Variants in MCTP1 observed in about 807,000 individuals in gnomAD.
The protein encoded by MCTP1 is multiple C2 and transmembrane domain containing 1.
Under a neutral mutation model 120.6 loss-of-function variants are expected in MCTP1, and 69 were observed. The ratio of observed to expected loss-of-function variants is 0.57; its 90% CI spans 0.47 to 0.70. The LOEUF (loss-of-function observed/expected upper bound fraction) is 0.70. Ranked by LOEUF, MCTP1 falls within the 30% of genes least tolerant of loss-of-function variation. The pLI, the probability that MCTP1 is intolerant of heterozygous loss-of-function variation, is 0.00. For synonymous variants in MCTP1, 529 were observed against 493.1 expected, an observed-to-expected ratio of 1.07 and a Z score of -0.96; for missense variants, 1,203 against 1,248.8, an observed-to-expected ratio of 0.96 and a Z score of 0.55.
chr5:95,215,793 C>A (rs1477825948), intron 1 of MCTP1, among the ~76,000 whole-genome samples: 1 of 152,114 alleles, frequency 6.6e-6, no homozygotes, highest in African/African-American at 2.4e-5. Context: ...CAACCACCTA[C>A]CTCTCAAACT....
rs573767944 is a variant in MCTP1, at chr5:95,209,722, C to T, written c.720+74134G>A. On this transcript the variant is annotated intron_variant, in intron 1 of 22. Coordinates refer to ENST00000515393, the MANE Select transcript of MCTP1 (RefSeq NM_024717.7). ...ACCTGTCCCTGGAATGTTCCCACACCGGTCCCAATTATCTTTCAAGGTTTT... is the reference window on the plus strand; with the variant it reads ...ACCTGTCCCTGGAATGTTCCCACACTGGTCCCAATTATCTTTCAAGGTTTT... Among the ~76,000 whole-genome samples, 34 of 152,200 alleles carry T rather than the reference C, an allele frequency of 2.2e-4. 1 individual carries two copies. In the South Asian group the frequency reaches 6.2e-3, roughly 28 times the overall value.
intron 1 of MCTP1, among the ~76,000 whole-genome samples, chr5:95,061,002 ATTT>A (rs35187920): frequency 8.3e-4 from 89 of 107,178 alleles, no homozygotes; most frequent in East Asian, 1.8e-3. Flanking sequence ...TCAAATGTAC[ATTT>A]TTTTTTTTTT....
intron 19 of MCTP1, among the ~76,000 whole-genome samples, chr5:94,738,538 C>CCA (rs1178099009): frequency 6.6e-6 from 1 of 152,158 alleles, no homozygotes; most frequent in Non-Finnish European, 1.5e-5. Flanking sequence ...AGCACCCTCT[C>CCA]CACCTCACCT....
At chr5:95,247,646 T>C (rs1021113438) in intron 1 of MCTP1, among the ~76,000 whole-genome samples, 3 of 152,162 alleles carry the variant, frequency 2.0e-5, no homozygotes, top group Non-Finnish European at 2.9e-5. Flanking sequence ...ATTTTGTTAT[T>C]TACCCAGTAG....
chr5:94,846,510 G>C (rs573662829), intron 17 of MCTP1, among the ~76,000 whole-genome samples: 9 of 152,254 alleles, frequency 5.9e-5, no homozygotes, highest in African/African-American at 2.2e-4. Flanking sequence ...TGAAAATGGA[G>C]AATAGGAGGA....
rs1238036301 is a variant in MCTP1, at chr5:94,704,711, C to T, written c.*2785G>A. The T allele has an allele frequency of 2.0e-5, 3 of 150,900 alleles. No individual in the cohort carries two copies. Among genetic ancestry groups the T allele is most frequent in the African/African-American group, 4.9e-5 (2 of 41,184 alleles). 9.3% of individuals were successfully genotyped at this position (150,900 alleles called of 1,614,324 possible). On this transcript the variant is annotated 3_prime_UTR_variant, in exon 23 of 23. Transcript: ENST00000515393. Reference sequence around the variant, plus strand: ...ATAACAGGGTCATACAGTTGGTATTCGATAAATATATCACAGAGTCCTTTT... The same window carrying T: ...ATAACAGGGTCATACAGTTGGTATTTGATAAATATATCACAGAGTCCTTTT...
At chr5:94,721,262 AG>A (rs1279016137) in intron 19 of MCTP1, among the ~76,000 whole-genome samples, 1 of 152,020 alleles carries the variant, frequency 6.6e-6, no homozygotes, top group Non-Finnish European at 1.5e-5. Flanking sequence ...CAATAAGGTA[AG>A]CAAATATTAA....
At chr5:95,138,385 T>C (rs562414984) in intron 1 of MCTP1, among the ~76,000 whole-genome samples, 3 of 152,344 alleles carry the variant, frequency 2.0e-5, no homozygotes, top group Non-Finnish European at 4.4e-5. Flanking sequence ...CACAGCCTTG[T>C]CAATCTCCAT....
At chr5:95,135,129 G>A (rs982040568) in intron 1 of MCTP1, among the ~76,000 whole-genome samples, 2 of 147,958 alleles carry the variant, frequency 1.4e-5, no homozygotes, top group Non-Finnish European at 3.0e-5. Context: ...TCCAATACCA[G>A]TATAAAGAAA....
At chr5:94,848,695 A>T (rs1035356720) in intron 17 of MCTP1, among the ~76,000 whole-genome samples, 1 of 152,126 alleles carries the variant, frequency 6.6e-6, no homozygotes, top group Non-Finnish European at 1.5e-5. Context: ...CTGATGACAT[A>T]CAATTTCTTG....
intron 3 of MCTP1, among the ~76,000 whole-genome samples, chr5:94,947,569 T>TAGAGAG (rs1561903941): frequency 1.9e-5 from 1 of 51,314 alleles, no homozygotes; most frequent in Non-Finnish European, 3.6e-5. Context: ...TATATATATA[T>TAGAGAG]ATATATATAG....
At chr5:94,987,562 TAA>T (rs1830643618) in intron 2 of MCTP1, among the ~76,000 whole-genome samples, 2 of 152,060 alleles carry the variant, frequency 1.3e-5, no homozygotes, top group Admixed American at 6.6e-5. Flanking sequence ...AAATCAAAAG[TAA>T]AAGACAGCTT....
intron 18 of MCTP1, 112 bp downstream of exon 18, chr5:94,798,901 G>A: frequency 8.9e-7 from 1 of 1,119,924 alleles, no homozygotes; most frequent in South Asian, 1.6e-5. Context: ...CTCTAAACTT[G>A]AGTATTTATA....
chr5:94,975,133 T>C (rs533154208), intron 2 of MCTP1, among the ~76,000 whole-genome samples: 2 of 152,068 alleles, frequency 1.3e-5, no homozygotes, highest in African/African-American at 4.8e-5. Context: ...CTTGAATAAA[T>C]ACTGAAAGAA....
intron 1 of MCTP1, among the ~76,000 whole-genome samples, chr5:95,023,632 C>G (rs562336556): frequency 1.6e-4 from 25 of 152,320 alleles, no homozygotes; most frequent in African/African-American, 5.1e-4. Context: ...AGAGAGACAT[C>G]TCCTTTCAGG....
chr5:95,150,611 C>T (rs56788565), intron 1 of MCTP1, among the ~76,000 whole-genome samples: 192 of 152,182 alleles, frequency 1.3e-3, no homozygotes, highest in African/African-American at 4.4e-3. Flanking sequence ...TACCTGGAAA[C>T]GTGGTTATCA....
intron 7 of MCTP1, among the ~76,000 whole-genome samples, chr5:94,920,415 T>C (rs1581363139): frequency 1.3e-5 from 2 of 152,204 alleles, no homozygotes; most frequent in African/African-American, 4.8e-5. Context: ...AGCGTGTAAG[T>C]GCTTCAGCAC....
At chr5:95,275,127 T>C (rs536999331) in intron 1 of MCTP1, among the ~76,000 whole-genome samples, 70 of 152,158 alleles carry the variant, frequency 4.6e-4, no homozygotes, top group Admixed American at 1.0e-3. Flanking sequence ...GCCCAGCACT[T>C]GGGGGAAGGG....
At chr5:94,740,291 A>C (rs1175364842) in intron 19 of MCTP1, among the ~76,000 whole-genome samples, 4 of 152,196 alleles carry the variant, frequency 2.6e-5, no homozygotes, top group Admixed American at 2.0e-4. Context: ...ATCTTTGTTG[A>C]ATTTGATTTT....
Sources: allele counts gnomAD v4.1 joint callset (sites outside exome capture counted in the v4.1 genomes callset), GRCh38; gene constraint gnomAD v4.1.1; transcripts MANE v1.5; gene names NCBI Gene and HGNC (gene_info 2026-07-23, HGNC 2026-07-21).